STPG2: variants seen among roughly 807,000 people sequenced by gnomAD.
STPG2 encodes the protein sperm tail PG-rich repeat containing 2.
STPG2 carries 56 observed loss-of-function variants against 54.2 expected under a neutral mutation model. That is an observed-to-expected ratio of 1.03 (90% CI 0.83 to 1.29). STPG2 has a LOEUF of 1.29. Ranked by LOEUF, STPG2 falls within the 50% of genes most tolerant of loss-of-function variation. The pLI, the probability that STPG2 is intolerant of heterozygous loss-of-function variation, is 0.00. For synonymous variants in STPG2, 200 were observed against 181.8 expected, an observed-to-expected ratio of 1.10 and a Z score of -0.81; for missense variants, 596 against 544.9, an observed-to-expected ratio of 1.09 and a Z score of -0.93.
chr4:97,730,170 T>C (rs1724753403), intron 9 of STPG2, among the ~76,000 whole-genome samples: 1 of 152,138 alleles, frequency 6.6e-6, no homozygotes, highest in South Asian at 2.1e-4. Flanking sequence ...TGCCTCGTCT[T>C]GTATTCCCCA....
intron 9 of STPG2, among the ~76,000 whole-genome samples, chr4:97,812,404 G>T (rs757271784): frequency 2.0e-5 from 3 of 152,020 alleles, no homozygotes; most frequent in Non-Finnish European, 4.4e-5. Flanking sequence ...TTTCTGAAAA[G>T]TAAGTCACAT....
intron 4 of STPG2, among the ~76,000 whole-genome samples, chr4:97,509,542 G>C (rs1730926254): frequency 6.6e-6 from 1 of 152,068 alleles, no homozygotes; most frequent in Non-Finnish European, 1.5e-5. Flanking sequence ...ATAAAGAATA[G>C]CTTAATGAGG....
At chr4:97,711,180 G>T in intron 10 of STPG2, among the ~76,000 whole-genome samples, 1 of 152,174 alleles carries the variant, frequency 6.6e-6, no homozygotes, top group South Asian at 2.1e-4. Flanking sequence ...ATTAAAATGA[G>T]TTTTTTAAAG....
At chr4:97,907,840 T>C (rs1365008433) in intron 8 of STPG2, among the ~76,000 whole-genome samples, 1 of 152,100 alleles carries the variant, frequency 6.6e-6, no homozygotes, top group African/African-American at 2.4e-5. Flanking sequence ...ACTGGATCCC[T>C]TCCTTACACC....
intron 9 of STPG2, among the ~76,000 whole-genome samples, chr4:97,755,265 A>G (rs1725694291): frequency 6.6e-6 from 1 of 152,206 alleles, no homozygotes. Context: ...AAGCATGCCC[A>G]CTAACAATAT....
intron 3 of STPG2, among the ~76,000 whole-genome samples, chr4:98,121,856 GGA>G (rs1388426408): frequency 6.6e-6 from 1 of 152,014 alleles, no homozygotes; most frequent in Admixed American, 6.6e-5. Flanking sequence ...CAAGTAGCTG[GGA>G]CTACAGGCGT....
chr4:97,640,841 C>A (rs1721745161), intron 10 of STPG2, among the ~76,000 whole-genome samples: 1 of 151,108 alleles, frequency 6.6e-6, no homozygotes. Context: ...AATTTAGATA[C>A]AGATATAGTC....
intron 8 of STPG2, among the ~76,000 whole-genome samples, chr4:97,886,368 A>G (rs1431168990): frequency 6.6e-6 from 1 of 152,220 alleles, no homozygotes; most frequent in Non-Finnish European, 1.5e-5. Flanking sequence ...AAGATAGTCA[A>G]GAAAAGAAAA....
At chr4:97,692,495 A>C (rs577336022) in intron 10 of STPG2, among the ~76,000 whole-genome samples, 2 of 152,242 alleles carry the variant, frequency 1.3e-5, no homozygotes, top group East Asian at 3.9e-4. Context: ...GAAAACAACA[A>C]AGAAAAAATA....
At chr4:97,703,472 T>TAGTATATAGTATATATATAGTATATAC (rs1723840528) in intron 10 of STPG2, among the ~76,000 whole-genome samples, 1 of 141,658 alleles carries the variant, frequency 7.1e-6, no homozygotes, top group Admixed American at 7.4e-5. Context: ...ATATATATAG[T>TAGTATATAGTATATATATAGTATATAC]AGTATATAGT....
chr4:98,107,972 T>C (rs1423716509), intron 4 of STPG2, among the ~76,000 whole-genome samples: 3 of 152,086 alleles, frequency 2.0e-5, no homozygotes, highest in Admixed American at 1.3e-4. Flanking sequence ...CATGTTAAGG[T>C]TCTAGCATAA....
chr4:97,915,408 G>A (rs1731837743), intron 8 of STPG2, among the ~76,000 whole-genome samples: 1 of 152,098 alleles, frequency 6.6e-6, no homozygotes, highest in South Asian at 2.1e-4. Context: ...AAGGCACTGA[G>A]ACCTTAAGTA....
At chr4:98,009,671 T>G (rs928521008) in intron 5 of STPG2, among the ~76,000 whole-genome samples, 7 of 152,096 alleles carry the variant, frequency 4.6e-5, no homozygotes, top group African/African-American at 1.7e-4. Flanking sequence ...TATCCATTGT[T>G]GAAAGTGTGG....
chr4:98,025,864 T>A (rs1424963647), intron 5 of STPG2: 1 of 1,598,238 alleles, frequency 6.3e-7, no homozygotes, highest in Non-Finnish European at 8.5e-7. Context: ...ATAAAGTTTT[T>A]GGCACCCTGA....
chr4:97,639,420 A>C (rs1721685649), intron 10 of STPG2, among the ~76,000 whole-genome samples: 1 of 151,942 alleles, frequency 6.6e-6, no homozygotes. Flanking sequence ...GGTGCAGCAC[A>C]CCAGCATGGC....
chr4:97,653,124 T>C (rs999851968), intron 10 of STPG2, among the ~76,000 whole-genome samples: 1 of 151,816 alleles, frequency 6.6e-6, no homozygotes, highest in African/African-American at 2.4e-5. Flanking sequence ...GGTAGATAGA[T>C]AGATAGATAG....
At chr4:97,951,391 C>T (rs1303819743) in intron 7 of STPG2, among the ~76,000 whole-genome samples, 1 of 152,126 alleles carries the variant, frequency 6.6e-6, no homozygotes, top group Non-Finnish European at 1.5e-5. Context: ...ATTGCAGAAC[C>T]TTGTTTTGTC....
chr4:97,542,155 A>G (rs1483716750), intron 4 of STPG2, among the ~76,000 whole-genome samples: 3 of 152,208 alleles, frequency 2.0e-5, no homozygotes, highest in African/African-American at 4.8e-5. Flanking sequence ...TCTGCACTCA[A>G]AAAAACTACC....
intron 3 of STPG2, among the ~76,000 whole-genome samples, chr4:98,116,948 T>C (rs1739539736): frequency 6.6e-6 from 1 of 152,068 alleles, no homozygotes; most frequent in African/African-American, 2.4e-5. Flanking sequence ...TTATTTCTAG[T>C]TTGTTCCATA....
Sources: allele counts gnomAD v4.1 joint callset (sites outside exome capture counted in the v4.1 genomes callset), GRCh38; gene constraint gnomAD v4.1.1; transcripts MANE v1.5; gene names NCBI Gene and HGNC (gene_info 2026-07-23, HGNC 2026-07-21).